The following ABCB11 variants were observed in gnomAD, a reference collection of about 807,000 sequenced individuals.
The protein encoded by ABCB11 is bile salt export pump.
Under a neutral mutation model 148.0 loss-of-function variants are expected in ABCB11, and 95 were observed. The ratio of observed to expected loss-of-function variants is 0.64; its 90% CI spans 0.54 to 0.76. ABCB11 has a LOEUF of 0.76. ABCB11 is among the 30% of genes least tolerant of loss of function. The probability of loss-of-function intolerance (pLI) is 0.00; values close to 1 mark genes in which losing one functional copy is unlikely to be tolerated. For synonymous variants in ABCB11, 591 were observed against 555.4 expected (o/e 1.06, Z -0.90); for missense variants, 1,523 against 1,617.8 (o/e 0.94, Z 1.01).
Position 168,976,587 on chromosome 2 carries a change from G to T in ABCB11, c.1298C>A (p.Pro433Gln). 6.3e-7 allele frequency: 1 copy of T among 1,590,880 alleles called. No individual in the cohort carries two copies. Among genetic ancestry groups the T allele is most frequent in the Admixed American group, 1.7e-5 (1 of 59,240 alleles). The change falls in exon 12 of 28, where the codon CCA becomes CAA. Residue 433 changes from proline to glutamine, a missense_variant. Pro to Gln is a moderately conservative substitution (Grantham distance 76). Transcript: ENST00000650372. The part of the protein sequence containing the change: ...HNVTFHYPSR[P>Q]EVKILNDLNM... ...CAGACCAGCACTCACCTTCACCTCT[G>T]GTCTGGAAGGATAATGGAAGGTCAC...
intron 9 of ABCB11, 106 bp from the exon 10 acceptor site, chr2:168,986,390 C>T (rs776227023): frequency 3.8e-5 from 38 of 993,622 alleles, no homozygotes; most frequent in Non-Finnish European, 4.9e-5. Flanking sequence ...ATAAAATCAT[C>T]GCAAACACAG....
chr2:168,932,701 A>C (rs190495201), intron 23 of ABCB11, among the ~76,000 whole-genome samples, 168 bp from the exon 24 acceptor site: 1 of 152,308 alleles, frequency 6.6e-6, no homozygotes, highest in East Asian at 1.9e-4. Context: ...TGTTTAAGGG[A>C]CTGGCAGTTT....
rs376013207 is a variant in ABCB11 at position 168,923,634 on chromosome 2, G to A, written c.3954C>T (p.Ser1318=). ...GAYYKLVTTG[S]PIS ...TTCTTGCATTGGGTCAACTGATGGG[G>A]GATCCAGTGGTGACTAGTTTGTAGT... Residue 1318 remains serine, a synonymous_variant, in exon 28 of 28, where the codon TCC becomes TCT. Transcript: ENST00000650372. 1.9e-6 allele frequency: 3 copies of A among 1,613,650 alleles called. No individual in the cohort carries two copies. The African/African-American group carries it at 4.0e-5, about 22-fold the overall frequency.
At chr2:169,005,247 C>A (rs1310966205) in intron 5 of ABCB11, among the ~76,000 whole-genome samples, 1 of 151,976 alleles carries the variant, frequency 6.6e-6, no homozygotes, top group African/African-American at 2.4e-5. Flanking sequence ...GTGGGCAGGG[C>A]CACAGAGTTC....
Position 168,974,151 on chromosome 2 carries a change from G to A in ABCB11, c.1309-311C>T, listed in dbSNP as rs10176901. Among the ~76,000 whole-genome samples the A allele has an allele frequency of 0.57, 86,790 of 151,700 alleles. 25,047 individuals carry two copies. The highest frequency in any genetic ancestry group is 0.72 in the East Asian group (3,683 of 5,134). ...CTTTTAAAATTATGTCCCAAAATCT[G>A]ATTTAAAATACTCCTGACATACTAG... On this transcript the variant is annotated intron_variant, in intron 12 of 27. Transcript: ENST00000650372.
chr2:168,990,858 A>G lies in ABCB11; in HGVS notation c.851T>C (p.Val284Ala), dbSNP rs200739891. The G allele has an allele frequency of 3.7e-4, 596 of 1,613,236 alleles. No homozygotes were observed. Among genetic ancestry groups the G allele is most frequent in the Non-Finnish European group, 4.5e-4 (534 of 1,179,376 alleles). The change falls in exon 9 of 28, where the codon GTC becomes GCC. Residue 284 changes from valine (V) to alanine (A), a missense_variant. By Grantham distance (64) the Val-to-Ala change is moderately conservative. Transcript: ENST00000650372. ...YAKAGVVADE[V>A]ISSMRTVAAF... is the part of the protein sequence containing the mutation. ...AGCCACTGTTCTCATTGATGAAATG[A>G]CTTCATCAGCCACCACCCCTGCTTT...
chr2:168,974,190 T>C (rs1452038431), intron 12 of ABCB11, among the ~76,000 whole-genome samples: 2 of 152,086 alleles, frequency 1.3e-5, no homozygotes, highest in South Asian at 2.1e-4. Context: ...AAGGAGACTA[T>C]GCCAATTAGT....
chr2:168,964,598 CA>C lies in ABCB11; in HGVS notation c.2076-291del, dbSNP rs113545972. On this transcript the variant is annotated intron_variant, in intron 17 of 27. Coordinates refer to ENST00000650372, the MANE Select transcript of ABCB11 (RefSeq NM_003742.4). Reference sequence around the variant, plus strand: ...GAGCAAAGCTGTCCTACCAGTTCATCAAAAAACCACCTAAGGCTCAAATACT... The same window carrying C: ...GAGCAAAGCTGTCCTACCAGTTCATCAAAAACCACCTAAGGCTCAAATACT... Among the ~76,000 whole-genome samples, 9,624 of 151,708 alleles carry C rather than the reference CA, an allele frequency of 0.063. 976 individuals are homozygous for C. The highest frequency in any genetic ancestry group is 0.22 in the African/African-American group (8,973 of 41,378).
In ABCB11 at chr2:168,999,384, T is replaced by C. The variant is rs552041131; in HGVS notation, c.390-2662A>G. Among the ~76,000 whole-genome samples the C allele has an allele frequency of 5.3e-5, 8 of 152,032 alleles. No homozygotes were observed. The South Asian group carries it at 1.5e-3, about 28-fold the overall frequency. On this transcript the variant is annotated intron_variant, in intron 5 of 27. Coordinates refer to ENST00000650372, the MANE Select transcript of ABCB11 (RefSeq NM_003742.4). ...AATATCTTGCAAAACTGTAGTACAA[T>C]ATCACACCCAGGATATTGACAGTGA... is the stretch of plus-strand genomic sequence containing the variant.
Position 168,992,143 on chromosome 2 carries a change from G to A in ABCB11, c.784-1218C>T, listed in dbSNP as rs190084864. ...TGTATAGTTTGTTGTATAGTTGCTT[G>A]TAGAAGTTTGTTGTATAAGGACAAG... On this transcript the variant is annotated intron_variant, in intron 8 of 27. Coordinates refer to ENST00000650372, the MANE Select transcript of ABCB11 (RefSeq NM_003742.4). Among the ~76,000 whole-genome samples the A allele has an allele frequency of 7.3e-5, 11 of 151,238 alleles. No individual in the cohort carries two copies. The South Asian group carries it at 2.1e-3, about 29-fold the overall frequency.
intron 9 of ABCB11, among the ~76,000 whole-genome samples, chr2:168,987,586 T>C (rs1219572250): frequency 6.6e-6 from 1 of 152,090 alleles, no homozygotes; most frequent in Non-Finnish European, 1.5e-5. Flanking sequence ...TACACCACCA[T>C]GTCTGGTTAA....
At position 168,936,468 on chromosome 2, in the gene ABCB11, A is replaced by G. The variant is rs1375682097; in HGVS notation, c.2611-35T>C. ...AAAAAGCAATCAACCCGTCTCAGAC[A>G]CACAGTCGCTTTTACCAATTACCAT... is the stretch of plus-strand genomic sequence containing the variant. On this transcript the variant is annotated intron_variant, in intron 21 of 27. Transcript: ENST00000650372. 3 of 1,605,434 alleles carry G rather than the reference A, an allele frequency of 1.9e-6. No homozygotes were observed. In the Admixed American group the frequency reaches 5.0e-5, roughly 27 times the overall value.
intron 9 of ABCB11, among the ~76,000 whole-genome samples, chr2:168,988,534 G>T (rs984578790): frequency 3.9e-5 from 6 of 152,100 alleles, no homozygotes; most frequent in African/African-American, 9.7e-5. Flanking sequence ...TGCTTAGGTT[G>T]ATTCCATACC....
chr2:168,951,250 C>G (rs1235747958), intron 19 of ABCB11, among the ~76,000 whole-genome samples: 1 of 151,344 alleles, frequency 6.6e-6, no homozygotes, highest in Non-Finnish European at 1.5e-5. Context: ...TTTTTAGTTC[C>G]ATGTGAATTT....
intron 21 of ABCB11, among the ~76,000 whole-genome samples, chr2:168,939,810 A>G: frequency 6.6e-6 from 1 of 152,086 alleles, no homozygotes; most frequent in East Asian, 1.9e-4. Context: ...CATTTTTCCA[A>G]TGGTATGTGT....
chr2:169,018,090 T>C lies in ABCB11; in HGVS notation c.36A>G (p.Lys12=), dbSNP rs769329903. 6.2e-7 allele frequency: 1 copy of C among 1,613,712 alleles called. No homozygotes were observed. The highest frequency in any genetic ancestry group is 8.5e-7 in the Non-Finnish European group (1 of 1,179,712). Residue 12 remains lysine (K), a synonymous_variant, in exon 2 of 28, where the codon AAA becomes AAG. Coordinates refer to ENST00000650372, the MANE Select transcript of ABCB11 (RefSeq NM_003742.4). ...SDSVILRSIK[K]FGEENDGFES... Reference sequence around the variant, plus strand: ...CAAAACCATCATTCTCCTCTCCAAATTTCTTTATACTTCGAAGAATTACTG... The same window carrying C: ...CAAAACCATCATTCTCCTCTCCAAACTTCTTTATACTTCGAAGAATTACTG...
At chr2:168,963,097 G>A (rs1693147333) in intron 18 of ABCB11, among the ~76,000 whole-genome samples, 1 of 151,618 alleles carries the variant, frequency 6.6e-6, no homozygotes, top group Non-Finnish European at 1.5e-5. Context: ...TTCACGTGTT[G>A]GAATTTTATT....
intron 5 of ABCB11, among the ~76,000 whole-genome samples, chr2:169,008,289 G>A (rs1695081480): frequency 6.6e-6 from 1 of 152,182 alleles, no homozygotes; most frequent in Admixed American, 6.5e-5. Context: ...CCCTAAGAGA[G>A]AAATTTCCCC....
chr2:168,936,205 G>A (rs1337526619), intron 22 of ABCB11, 25 bp downstream of exon 22: 1 of 1,605,994 alleles, frequency 6.2e-7, no homozygotes, highest in African/African-American at 1.3e-5. Flanking sequence ...CATGAGGAAT[G>A]GGAAAATTAG....
Sources: allele counts gnomAD v4.1 joint callset (sites outside exome capture counted in the v4.1 genomes callset), GRCh38; gene constraint gnomAD v4.1.1; transcripts MANE v1.5; gene names NCBI Gene and HGNC (gene_info 2026-07-23, HGNC 2026-07-21).